Variants in GLYATL2 observed in about 807,000 individuals in gnomAD.
GLYATL2 encodes glycine-N-acyltransferase like 2.
GLYATL2 carries 25 observed loss-of-function variants against 21.4 expected under a neutral mutation model. The observed-to-expected ratio is 1.17, with a 90% CI of 0.85 to 1.63. The LOEUF (loss-of-function observed/expected upper bound fraction) is 1.63, where lower values mean the gene tolerates loss of function less well. Ranked by LOEUF, GLYATL2 falls within the 40% of genes most tolerant of loss-of-function variation. The pLI is 0.00. For synonymous variants in GLYATL2, 114 were observed against 118.2 expected, an observed-to-expected ratio of 0.96 and a Z score of 0.23; for missense variants, 361 against 343.3, an observed-to-expected ratio of 1.05 and a Z score of -0.41.
At position 58,834,684 on chromosome 11, in the gene GLYATL2, C is replaced by A. The variant is rs1433447840; in HGVS notation, c.630G>T (p.Gln210His). The A allele has an allele frequency of 6.2e-7, 1 of 1,613,468 alleles. No homozygotes were observed. Among genetic ancestry groups the A allele is most frequent in the Admixed American group, 1.7e-5 (1 of 60,006 alleles). The stretch of plus-strand genomic sequence containing the variant: ...GTTCCATCACAATCCAAGAGACAAG[C>A]TGGCCCTCTGGACCCAGCACACCAA... ...LGFGVLGPEG[Q>H]LVSWIVMEQS... The change falls in exon 6 of 6, where the codon CAG becomes CAT. Residue 210 changes from glutamine to histidine, a missense_variant. Transcript: ENST00000287275.
intron 1 of GLYATL2, among the ~76,000 whole-genome samples, chr11:58,879,353 T>C (rs1854292347): frequency 6.6e-6 from 1 of 152,208 alleles, no homozygotes; most frequent in South Asian, 2.1e-4. Flanking sequence ...ATATACACGT[T>C]ATATATTTTG....
chr11:58,855,116 G>T (rs1235398925), intron 1 of GLYATL2, among the ~76,000 whole-genome samples: 1 of 152,210 alleles, frequency 6.6e-6, no homozygotes, highest in Non-Finnish European at 1.5e-5. Context: ...CATGGATCAT[G>T]AATGTTTTAA....
chr11:58,852,682 A>C (rs1470512428), intron 1 of GLYATL2, among the ~76,000 whole-genome samples: 1 of 152,204 alleles, frequency 6.6e-6, no homozygotes, highest in Non-Finnish European at 1.5e-5. Flanking sequence ...ACAGACAAAT[A>C]TTCTTCTTCT....
At chr11:58,863,129 T>TTCC (rs146870058) in intron 1 of GLYATL2, among the ~76,000 whole-genome samples, 1 of 151,830 alleles carries the variant, frequency 6.6e-6, no homozygotes, top group African/African-American at 2.4e-5. Context: ...GGGTGGATAT[T>TTCC]ATGCATATGT....
intron 1 of GLYATL2, among the ~76,000 whole-genome samples, chr11:58,897,250 C>T (rs1854650758): frequency 6.6e-6 from 1 of 152,172 alleles, no homozygotes; most frequent in Non-Finnish European, 1.5e-5. Context: ...CTTCCTTCCT[C>T]ACCCTGAAGG....
chr11:58,841,496 C>T (rs1409136355), intron 1 of GLYATL2, among the ~76,000 whole-genome samples: 1 of 152,122 alleles, frequency 6.6e-6, no homozygotes, highest in East Asian at 1.9e-4. Flanking sequence ...TGTGTATATA[C>T]AAGGTTCTGA....
At chr11:58,876,623 T>A (rs1394531028) in intron 1 of GLYATL2, among the ~76,000 whole-genome samples, 1 of 152,208 alleles carries the variant, frequency 6.6e-6, no homozygotes, top group Admixed American at 6.5e-5. Context: ...GAACCACAAA[T>A]GCTGCTGCCT....
chr11:58,848,863 A>G (rs1324349054), upstream of GLYATL2, among the ~76,000 whole-genome samples: 1 of 152,200 alleles, frequency 6.6e-6, no homozygotes, highest in Non-Finnish European at 1.5e-5. Context: ...AAGTTGTAGA[A>G]CACCAAGCAG....
intron 1 of GLYATL2, among the ~76,000 whole-genome samples, chr11:58,872,299 T>G (rs1366398616): frequency 4.6e-5 from 7 of 152,212 alleles, no homozygotes; most frequent in Non-Finnish European, 1.0e-4. Context: ...TTAGATCCCA[T>G]TTGTCAATTT....
At position 58,867,413 on chromosome 11, in the gene GLYATL2, C is replaced by T. The variant is rs79100769; in HGVS notation, n.61-29045G>A. ...GAGTTTCTGTACCATTGGGTGATAA[C>T]ATTAGAATCTCAAATTTGGGACACT... On this transcript the variant is annotated intron_variant and non_coding_transcript_variant, in intron 1 of 4. Coordinates refer to the GLYATL2 transcript ENST00000533636. Among the ~76,000 whole-genome samples the T allele has an allele frequency of 4.3e-3, 644 of 148,686 alleles. 65 individuals are homozygous for T. The East Asian group carries it at 0.044, about 10-fold the overall frequency.
upstream of GLYATL2, among the ~76,000 whole-genome samples, chr11:58,904,428 T>C (rs2134632862): frequency 6.6e-6 from 1 of 152,346 alleles, no homozygotes; most frequent in South Asian, 2.1e-4. Context: ...AGGAGCACTT[T>C]TTTCCAGGGA....
At chr11:58,855,682 G>C (rs1853816118) in intron 1 of GLYATL2, among the ~76,000 whole-genome samples, 1 of 152,190 alleles carries the variant, frequency 6.6e-6, no homozygotes, top group Non-Finnish European at 1.5e-5. Flanking sequence ...GTCCTTGATG[G>C]CATCTTCTTC....
At chr11:58,866,906 T>C (rs936867716) in intron 1 of GLYATL2, among the ~76,000 whole-genome samples, 1 of 149,436 alleles carries the variant, frequency 6.7e-6, no homozygotes, top group African/African-American at 2.4e-5. Flanking sequence ...TTTTCAGATG[T>C]TATGGATAGG....
chr11:58,864,927 G>A (rs1051201441), intron 1 of GLYATL2, among the ~76,000 whole-genome samples: 1 of 148,786 alleles, frequency 6.7e-6, no homozygotes, highest in Non-Finnish European at 1.5e-5. Flanking sequence ...AAGAACGATG[G>A]CAGATCTTAT....
intron 1 of GLYATL2, among the ~76,000 whole-genome samples, chr11:58,858,401 T>G (rs781300738): frequency 6.6e-6 from 1 of 152,138 alleles, no homozygotes; most frequent in Non-Finnish European, 1.5e-5. Context: ...TAACTTTAAA[T>G]TTAGATAATG....
Position 58,866,522 on chromosome 11 carries a change from C to G in GLYATL2, n.61-28154G>C, listed in dbSNP as rs1854026032. Among the ~76,000 whole-genome samples the G allele has an allele frequency of 2.7e-5, 4 of 148,834 alleles. 1 individual carries two copies. In the Admixed American group the frequency reaches 2.8e-4, roughly 10 times the overall value. On this transcript the variant is annotated intron_variant and non_coding_transcript_variant, in intron 1 of 4. Coordinates refer to the GLYATL2 transcript ENST00000533636. The stretch of plus-strand genomic sequence containing the variant: ...TTAAGAGTTAGGAAGCTCCTTTGGG[C>G]CTTCAGGAGGAACTTCATTAGGAAT...
intron 1 of GLYATL2, among the ~76,000 whole-genome samples, chr11:58,877,332 G>A (rs1315763532): frequency 6.6e-6 from 1 of 152,182 alleles, no homozygotes; most frequent in Admixed American, 6.5e-5. Flanking sequence ...TACCTCAGTT[G>A]GAAATGCAGA....
At chr11:58,860,240 C>T (rs2134593953) in intron 1 of GLYATL2, among the ~76,000 whole-genome samples, 1 of 152,234 alleles carries the variant, frequency 6.6e-6, no homozygotes, top group African/African-American at 2.4e-5. Context: ...TTCTCCCAAT[C>T]TGTAAATAAG....
intron 3 of GLYATL2, 137 bp from the exon 4 acceptor site, chr11:58,837,534 G>T: frequency 1.3e-6 from 1 of 764,056 alleles, no homozygotes; most frequent in Non-Finnish European, 2.1e-6. Context: ...TGGCCTTGGA[G>T]TCACTTCAAG....
Sources: allele counts gnomAD v4.1 joint callset (sites outside exome capture counted in the v4.1 genomes callset), GRCh38; gene constraint gnomAD v4.1.1; transcripts MANE v1.5; gene names NCBI Gene and HGNC (gene_info 2026-07-23, HGNC 2026-07-21).